Variants in CRLF1 observed in about 807,000 individuals in gnomAD.
CRLF1 encodes cytokine receptor like factor 1.
Under a neutral mutation model 48.9 loss-of-function variants are expected in CRLF1, and 36 were observed. The ratio of observed to expected loss-of-function variants is 0.74; its 90% CI spans 0.56 to 0.97. The LOEUF is 0.97. CRLF1 is among the 50% of genes least tolerant of loss of function. The probability of loss-of-function intolerance (pLI) is 0.00; values close to 1 mark genes in which losing one functional copy is unlikely to be tolerated. For missense variants in CRLF1, 534 were observed against 575.1 expected (o/e 0.93, Z 0.73); for synonymous variants, 256 against 253.4 (o/e 1.01, Z -0.10).
At chr19:18,596,017 G>A (rs1976127424) in intron 6 of CRLF1, among the ~76,000 whole-genome samples, 1 of 152,222 alleles carries the variant, frequency 6.6e-6, no homozygotes, top group African/African-American at 2.4e-5. Context: ...CTGAGAAGGG[G>A]AGACCACTGC....
chr19:18,594,095 G>A lies in CRLF1; in HGVS notation c.1225C>T (p.Leu409=). The change falls in exon 8 of 9, where the codon CTG becomes TTG. Residue 409 remains leucine, a synonymous_variant. Transcript: ENST00000392386. The stretch of plus-strand genomic sequence containing the variant: ...GCCGTGCCCCGTCTGCCCGAGGGCA[G>A]GATCCCCTCGTCCTGTGCTTGGAAG... ...HKTRNQDEGI[L]PSGRRGTARG... The A allele has an allele frequency of 6.7e-7, 1 of 1,499,992 alleles. No homozygotes were observed. The highest frequency in any genetic ancestry group is 1.4e-5 in the African/African-American group (1 of 69,802). The allele number at this position is 1,499,992 out of a possible 1,614,324, so 92.9% of individuals were successfully genotyped here. A position where few individuals can be genotyped will look rare whatever the true frequency, so the allele number is the denominator to read the frequency against.
chr19:18,594,073 G>C lies in CRLF1; in HGVS notation c.1247C>G (p.Thr416Arg). ...EGILPSGRRG[T>R]ARGPAR Reference sequence around the variant, plus strand: ...ATTCAGGCCCACCTTACCTCTCGCCGTGCCCCGTCTGCCCGAGGGCAGGAT... The same window carrying C: ...ATTCAGGCCCACCTTACCTCTCGCCCTGCCCCGTCTGCCCGAGGGCAGGAT... The change falls in exon 8 of 9, where the codon ACG becomes AGG. Residue 416 changes from threonine to arginine, a missense_variant. By Grantham distance (71) the Thr-to-Arg change is moderately conservative (BLOSUM62 -1). Around this residue, in one of 2 missense-constraint regions of CRLF1, gnomAD observed 528 missense variants for 555.7 expected, o/e 0.95. Transcript: ENST00000392386. The C allele has an allele frequency of 3.5e-6, 4 of 1,157,890 alleles. No individual in the cohort carries two copies. The highest frequency in any genetic ancestry group is 4.5e-6 in the Non-Finnish European group (4 of 890,660). 71.7% of individuals were successfully genotyped at this position (1,157,890 alleles called of 1,614,324 possible).
At chr19:18,601,894 C>G (rs559073011) in intron 1 of CRLF1, among the ~76,000 whole-genome samples, 5 of 152,330 alleles carry the variant, frequency 3.3e-5, no homozygotes, top group Admixed American at 1.3e-4. Flanking sequence ...AAGTTCTGTT[C>G]CACACTGCCT....
In CRLF1 at chr19:18,594,408, A is replaced by C. The variant is rs1372412196; in HGVS notation, c.1051T>G (p.Cys351Gly). Reference sequence around the variant, plus strand: ...CTCGGCTCTCCGCCCCGCGGTTCGCACGCCCCGCCGCCCGGGCCCGGGCGC... The same window carrying C: ...CTCGGCTCTCCGCCCCGCGGTTCGCCCGCCCCGCCGCCCGGGCCCGGGCGC... ...SERPGPGGGA[C>G]EPRGGEPSSG... The change falls in exon 7 of 9, where the codon TGC becomes GGC. Residue 351 changes from cysteine (C) to glycine (G), a missense_variant. Cys to Gly is a radical substitution (Grantham distance 159). Coordinates refer to ENST00000392386, the MANE Select transcript of CRLF1 (RefSeq NM_004750.5). 2 of 1,542,986 alleles carry C rather than the reference A, an allele frequency of 1.3e-6. No individual in the cohort carries two copies. The highest frequency in any genetic ancestry group is 1.2e-5 in the South Asian group (1 of 84,696).
intron 1 of CRLF1, among the ~76,000 whole-genome samples, chr19:18,601,898 A>G (rs1433052098): frequency 6.6e-6 from 1 of 152,192 alleles, no homozygotes; most frequent in Non-Finnish European, 1.5e-5. Flanking sequence ...TCTGTTCCAC[A>G]CTGCCTACCT....
intron 8 of CRLF1, chr19:18,593,791 C>T (rs569690919): frequency 1.0e-6 from 1 of 985,454 alleles, no homozygotes; most frequent in Non-Finnish European, 1.2e-6. Context: ...GGCGCCCATG[C>T]GTGCTAACTA....
In CRLF1 at chr19:18,599,675, A is replaced by C; in HGVS notation, c.287T>G (p.Leu96Trp). The C allele has an allele frequency of 6.2e-7, 1 of 1,613,274 alleles. No homozygotes were observed. Among genetic ancestry groups the C allele is most frequent in the East Asian group, 2.2e-5 (1 of 44,870 alleles). Residue 96 changes from leucine (L) to tryptophan (W), a missense_variant, in exon 2 of 9, where the codon TTG becomes TGG. Around this residue, in one of 2 missense-constraint regions of CRLF1, gnomAD observed 528 missense variants for 555.7 expected, o/e 0.95. Coordinates refer to ENST00000392386, the MANE Select transcript of CRLF1 (RefSeq NM_004750.5). Reference sequence around the variant, plus strand: ...ATTGAGGTTGGCCAGGGCCAGAGCCAAGGTGGAGGCGTTGAGTACACGGGA... The same window carrying C: ...ATTGAGGTTGGCCAGGGCCAGAGCCCAGGTGGAGGCGTTGAGTACACGGGA... The part of the protein sequence containing the change: ...ELSRVLNAST[L>W]ALALANLNGS...
Position 18,596,900 on chromosome 19 carries a change from CCA to C in CRLF1, c.845_846del (p.Val282GlyfsTer47), listed in dbSNP as rs137853928. On this transcript the variant is annotated frameshift_variant, in exon 5 of 9. Transcript: ENST00000392386. LOFTEE classifies it high-confidence loss of function. ...YQIRYRVEDS[V>X]DWKVVDDVSN... Reference sequence around the variant, plus strand: ...GGGAAGGGGAGGGTCACCTTCCAGTCCACACTGTCCTCCACTCGGTAGCGGAT... The same window carrying C: ...GGGAAGGGGAGGGTCACCTTCCAGTCCACTGTCCTCCACTCGGTAGCGGAT... 6.2e-7 allele frequency: 1 copy of C among 1,613,988 alleles called. No homozygotes were observed. Among genetic ancestry groups the C allele is most frequent in the Non-Finnish European group, 8.5e-7 (1 of 1,180,018 alleles).
intron 6 of CRLF1, among the ~76,000 whole-genome samples, chr19:18,595,420 C>A (rs539340153): frequency 2.9e-4 from 44 of 152,362 alleles, no homozygotes; most frequent in African/African-American, 1.0e-3. Context: ...AGCTCTGGGA[C>A]CCTCTCTGGG....
chr19:18,596,518 G>A, intron 6 of CRLF1, 104 bp downstream of exon 6: 2 of 1,369,370 alleles, frequency 1.5e-6, no homozygotes, highest in African/African-American at 1.5e-5. Context: ...ACAGAATGAG[G>A]CCGTGTCTCA....
At chr19:18,596,503 A>G (rs1976134025) in intron 6 of CRLF1, 119 bp downstream of exon 6, 3 of 1,242,082 alleles carry the variant, frequency 2.4e-6, no homozygotes, top group Non-Finnish European at 3.3e-6. Flanking sequence ...TCACACCACT[A>G]TGCGACAGAA....
At position 18,606,554 on chromosome 19, in the gene CRLF1, C is replaced by G; in HGVS notation, c.103G>C (p.Gly35Arg). 2 of 1,150,986 alleles carry G rather than the reference C, an allele frequency of 1.7e-6. No individual in the cohort carries two copies. The highest frequency in any genetic ancestry group is 2.1e-6 in the Non-Finnish European group (2 of 937,122). 71.3% of individuals were successfully genotyped at this position (1,150,986 alleles called of 1,614,324 possible). ...LLCVLGAPRA[G>R]SGAHTAVISP... ...GCCGGGTACTCACGGGCTCCTGATC[C>G]GGCTCGCGGCGCCCCGAGGACGCAG... The change falls in exon 1 of 9, where the codon GGA (glycine) becomes CGA (arginine). Residue 35 changes from glycine to arginine, a missense_variant. Gly to Arg is a moderately radical substitution (Grantham distance 125, BLOSUM62 -2). Transcript: ENST00000392386. This position sits in a 1 kb window ranked among gnomAD's most constrained non-coding sequence, Gnocchi z 4.8.
chr19:18,598,819 G>C lies in CRLF1; in HGVS notation c.480C>G (p.His160Gln), dbSNP rs761309301. 1 of 1,614,104 alleles carries C rather than the reference G, an allele frequency of 6.2e-7. No homozygotes were observed. Among genetic ancestry groups the C allele is most frequent in the South Asian group, 1.1e-5 (1 of 91,084 alleles). The change falls in exon 3 of 9, where the codon CAC becomes CAG. Residue 160 changes from histidine (H) to glutamine (Q), a missense_variant. By Grantham distance (24) the His-to-Gln change is conservative. Coordinates refer to ENST00000392386, the MANE Select transcript of CRLF1 (RefSeq NM_004750.5). ...DLTCRWTPGAHGETFLHTNYS... is the reference protein window; with the variant it reads ...DLTCRWTPGAQGETFLHTNYS... ...AGTTGGTGTGGAGGAAGGTCTCCCC[G>C]TGGGCCCCTGGCGTCCAGCGGCAGG...
At chr19:18,597,381 T>C (rs1976153578) in intron 4 of CRLF1, among the ~76,000 whole-genome samples, 1 of 151,712 alleles carries the variant, frequency 6.6e-6, no homozygotes, top group African/African-American at 2.4e-5. Context: ...GCCGTCAGCC[T>C]TCTGGGAACC....
At chr19:18,605,540 G>C (rs1186661495) in intron 1 of CRLF1, among the ~76,000 whole-genome samples, 1 of 152,226 alleles carries the variant, frequency 6.6e-6, no homozygotes, top group Non-Finnish European at 1.5e-5. Context: ...GTGTGTGACC[G>C]TGAATGTGTG....
At position 18,597,009 on chromosome 19, in the gene CRLF1, G is replaced by A. The variant is rs748525943; in HGVS notation, c.738C>T (p.Val246=). The A allele has an allele frequency of 1.1e-5, 17 of 1,613,490 alleles. No individual in the cohort carries two copies. The Middle Eastern group carries it at 1.6e-3, about 157-fold the overall frequency. Residue 246 remains valine, a synonymous_variant, in exon 5 of 9, where the codon GTC becomes GTT. Coordinates refer to ENST00000392386, the MANE Select transcript of CRLF1 (RefSeq NM_004750.5). The stretch of plus-strand genomic sequence containing the variant: ...CGCTCAGCTGGTCCTCCAGGCCCCC[G>A]ACGCGGCTCACGTGCACGTCGGGCG... The part of the protein sequence containing the change: ...DPPPDVHVSR[V]GGLEDQLSVR...
chr19:18,598,961 T>A, intron 2 of CRLF1, 60 bp from the exon 3 acceptor site: 1 of 1,597,278 alleles, frequency 6.3e-7, no homozygotes, highest in African/African-American at 1.3e-5. Flanking sequence ...GAGCCTCGGC[T>A]GAGGGGTTGC....
At position 18,594,352 on chromosome 19, in the gene CRLF1, C is replaced by A. The variant is rs1600648913; in HGVS notation, c.1107G>T (p.Gln369His). The change falls in exon 7 of 9, where the codon CAG becomes CAT. Residue 369 changes from glutamine to histidine, a missense_variant. By Grantham distance (24) the Gln-to-His change is conservative. Coordinates refer to ENST00000392386, the MANE Select transcript of CRLF1 (RefSeq NM_004750.5). ...CGTGCTTCTTGAGCCAGCCCAGGAA[C>A]TGCTTGAGCTCGCGCCGCACCGGCC... ...SSGPVRRELK[Q>H]FLGWLKKHAY... 6.2e-7 allele frequency: 1 copy of A among 1,611,294 alleles called. No individual in the cohort carries two copies. The highest frequency in any genetic ancestry group is 8.5e-7 in the Non-Finnish European group (1 of 1,179,272).
At chr19:18,601,918 A>T (rs1196557913) in intron 1 of CRLF1, among the ~76,000 whole-genome samples, 1 of 152,222 alleles carries the variant, frequency 6.6e-6, no homozygotes, top group Non-Finnish European at 1.5e-5. Flanking sequence ...TCTGGAACTA[A>T]AGGCAGCCCT....
Sources: gnomAD v4.1 joint callset for allele counts (sites outside exome capture counted in the v4.1 genomes callset) on GRCh38, gnomAD v4.1.1 for gene constraint, gnomAD v4.1.1 regional missense constraint, Gnocchi (gnomAD v3.1) non-coding constraint, MANE v1.5 for transcripts, NCBI Gene and HGNC (gene_info 2026-07-23, HGNC 2026-07-21) for gene names.